CACNA1S: variants seen among roughly 807,000 people sequenced by gnomAD.
The protein encoded by CACNA1S is voltage-dependent L-type calcium channel subunit alpha-1S.
In CACNA1S, 126 loss-of-function variants were observed where a neutral mutation model predicts 207.4. The ratio of observed to expected loss-of-function variants is 0.61; its 90% confidence interval spans 0.53 to 0.70. CACNA1S has a LOEUF of 0.70. CACNA1S is among the 30% of genes least tolerant of loss of function. The pLI is 0.00. For synonymous variants in CACNA1S, 960 were observed against 932.7 expected, an observed-to-expected ratio of 1.03 and a Z score of -0.53; for missense variants, 2,349 against 2,422.8, an observed-to-expected ratio of 0.97 and a Z score of 0.64.
At chr1:201,046,765 C>A (rs936252173) in intron 38 of CACNA1S, among the ~76,000 whole-genome samples, 2 of 152,156 alleles carry the variant, frequency 1.3e-5, no homozygotes, top group African/African-American at 4.8e-5. Context: ...AACTCCTGAC[C>A]TCAAGTAACC....
intron 5 of CACNA1S, among the ~76,000 whole-genome samples, chr1:201,090,112 G>A (rs1662171971): frequency 6.6e-6 from 1 of 152,130 alleles, no homozygotes; most frequent in Non-Finnish European, 1.5e-5. Flanking sequence ...ATCAGAACTG[G>A]AACACCCTGC....
Position 201,058,392 on chromosome 1 carries a change from C to T in CACNA1S, c.3609+16G>A. On this transcript the variant is annotated intron_variant, in intron 28 of 43. Transcript: ENST00000362061. ...TGGGCCCACCCTAGTGATGGCTCTG[C>T]CTGCCTGATACTCACGTCGATCTCA... The T allele has an allele frequency of 1.2e-6, 2 of 1,611,098 alleles. No homozygotes were observed. The highest frequency in any genetic ancestry group is 8.5e-7 in the Non-Finnish European group (1 of 1,177,216).
At chr1:201,096,688 A>AAAT (rs2102171595) in intron 2 of CACNA1S, among the ~76,000 whole-genome samples, 1 of 152,220 alleles carries the variant, frequency 6.6e-6, no homozygotes, top group East Asian at 1.9e-4. Context: ...TGTAAATCTG[A>AAAT]AATAATGAGA....
At chr1:201,106,961 C>T (rs1662917740) in intron 2 of CACNA1S, among the ~76,000 whole-genome samples, 1 of 152,216 alleles carries the variant, frequency 6.6e-6, no homozygotes, top group South Asian at 2.1e-4. Context: ...GAGCCATGTC[C>T]TTCCCTGAGA....
At chr1:201,048,469 A>G in intron 36 of CACNA1S, 113 bp downstream of exon 36, 1 of 923,592 alleles carries the variant, frequency 1.1e-6, no homozygotes, top group East Asian at 2.5e-5. Flanking sequence ...TCCTCCCTCT[A>G]CTTCTTCCCA....
chr1:201,097,453 T>C (rs1291714161), intron 2 of CACNA1S, among the ~76,000 whole-genome samples: 1 of 152,104 alleles, frequency 6.6e-6, no homozygotes, highest in Non-Finnish European at 1.5e-5. Flanking sequence ...CCACCTTTGC[T>C]CATCCCGGCC....
intron 2 of CACNA1S, among the ~76,000 whole-genome samples, chr1:201,101,587 A>G (rs1369230408): frequency 6.6e-6 from 1 of 152,226 alleles, no homozygotes; most frequent in Non-Finnish European, 1.5e-5. Flanking sequence ...CTGCTCCCAG[A>G]TGCAGGAGAG....
intron 2 of CACNA1S, among the ~76,000 whole-genome samples, chr1:201,098,082 G>A (rs553912657): frequency 3.7e-4 from 56 of 152,202 alleles, no homozygotes; most frequent in African/African-American, 1.1e-3. Context: ...AACTTGACTC[G>A]CTATATATTT....
At chr1:201,109,243 C>CAAAAAAAA (rs56739161) in intron 2 of CACNA1S, among the ~76,000 whole-genome samples, 13 of 118,554 alleles carry the variant, frequency 1.1e-4, no homozygotes, top group African/African-American at 3.7e-4. Context: ...GACTCTGTCT[C>CAAAAAAAA]AAAAAAAAAA....
At chr1:201,059,339 G>C in intron 26 of CACNA1S, 40 bp from the exon 27 acceptor site, 2 of 1,369,484 alleles carry the variant, frequency 1.5e-6, no homozygotes, top group Non-Finnish European at 2.1e-6. Context: ...AGGGGGGCCG[G>C]GTTTGCCCAC....
At chr1:201,068,523 G>A (rs1015047363) in intron 19 of CACNA1S, among the ~76,000 whole-genome samples, 16 of 150,786 alleles carry the variant, frequency 1.1e-4, no homozygotes, top group African/African-American at 3.9e-4. Context: ...GATTACAGGC[G>A]TGAGCCACTG....
At chr1:201,110,927 G>C (rs1663076638) in intron 1 of CACNA1S, among the ~76,000 whole-genome samples, 1 of 152,216 alleles carries the variant, frequency 6.6e-6, no homozygotes, top group African/African-American at 2.4e-5. Context: ...AAGAGCTAGA[G>C]AAAGCAAGGG....
chr1:201,072,813 A>T lies in CACNA1S; in HGVS notation c.2169T>A (p.Asp723Glu). ...GIPTTAKLKIDEFESNVNEVK... is the reference protein window; with the variant it reads ...GIPTTAKLKIEEFESNVNEVK... ...CCTCATTGACATTAGATTCAAACTCATCGATTTTCAGCTGTAGGAAGGAAC... is the reference window on the plus strand; with the variant it reads ...CCTCATTGACATTAGATTCAAACTCTTCGATTTTCAGCTGTAGGAAGGAAC... The change falls in exon 16 of 44, where the codon GAT becomes GAA. Residue 723 changes from aspartate (D) to glutamate (E), a missense_variant. Transcript: ENST00000362061. The T allele has an allele frequency of 1.2e-6, 2 of 1,612,480 alleles. No individual in the cohort carries two copies. Among genetic ancestry groups the T allele is most frequent in the South Asian group, 2.2e-5 (2 of 91,046 alleles).
Position 201,066,995 on chromosome 1 carries a change from T to C in CACNA1S, c.2551-2A>G. The C allele has an allele frequency of 6.2e-7, 1 of 1,609,668 alleles. No homozygotes were observed. The highest frequency in any genetic ancestry group is 8.5e-7 in the Non-Finnish European group (1 of 1,176,074). On this transcript the variant is annotated splice_acceptor_variant, in intron 19 of 43. Transcript: ENST00000362061. LOFTEE classifies it high-confidence loss of function. The surrounding 1 kb of genome is among the most constrained non-coding windows in gnomAD (Gnocchi z 4.3). ...CAGGAAGGCTCCGTAGGTCGTCATC[T>C]GGGGAGAAAGAGGCAGCAGCCTGGA... is the stretch of plus-strand genomic sequence containing the variant.
At chr1:201,085,190 G>A (rs371673185) in intron 8 of CACNA1S, among the ~76,000 whole-genome samples, 159 bp from the exon 9 acceptor site, 5 of 152,164 alleles carry the variant, frequency 3.3e-5, no homozygotes, top group East Asian at 1.9e-4. Context: ...GAGACTGAGA[G>A]TTCCAAGAGC....
intron 2 of CACNA1S, among the ~76,000 whole-genome samples, chr1:201,103,854 G>A (rs530796629): frequency 6.6e-5 from 10 of 152,282 alleles, no homozygotes; most frequent in Admixed American, 1.3e-4. Context: ...CTCCAGCCTC[G>A]TGGAGGACGC....
chr1:201,090,826 C>G (rs141195939), intron 5 of CACNA1S, among the ~76,000 whole-genome samples: 13 of 152,322 alleles, frequency 8.5e-5, no homozygotes, highest in Middle Eastern at 3.4e-3. Flanking sequence ...CAGCCTCTAT[C>G]AAGCCAGGCA....
At position 201,040,602 on chromosome 1, in the gene CACNA1S, C is replaced by CA; in HGVS notation, c.5226+19dup. On this transcript the variant is annotated intron_variant, in intron 42 of 43. Transcript: ENST00000362061. ...AGGGTCTCTGTATGGAGTTTGCTCCCAGGCCTCTGCCACTGTTACCTGGCA... is the reference window on the plus strand; with the variant it reads ...AGGGTCTCTGTATGGAGTTTGCTCCCAAGGCCTCTGCCACTGTTACCTGGCA... The CA allele has an allele frequency of 1.2e-6, 2 of 1,608,380 alleles. No homozygotes were observed. The highest frequency in any genetic ancestry group is 1.7e-6 in the Non-Finnish European group (2 of 1,175,344).
intron 38 of CACNA1S, among the ~76,000 whole-genome samples, chr1:201,045,362 C>T (rs1177125628): frequency 6.6e-6 from 1 of 152,132 alleles, no homozygotes; most frequent in African/African-American, 2.4e-5. Context: ...CTGTCTGATT[C>T]TGGATTGGAT....
Sources: allele counts gnomAD v4.1 joint callset (sites outside exome capture counted in the v4.1 genomes callset), GRCh38; gene constraint gnomAD v4.1.1; non-coding constraint Gnocchi (gnomAD v3.1); transcripts MANE v1.5; gene names NCBI Gene and HGNC (gene_info 2026-07-23, HGNC 2026-07-21).